CCDC33: variants seen among roughly 807,000 people sequenced by gnomAD.
CCDC33 encodes the protein coiled-coil domain-containing protein 33.
A neutral mutation model predicts 91.9 loss-of-function variants in CCDC33; 94 were observed. The ratio of observed to expected loss-of-function variants is 1.02; its 90% CI spans 0.87 to 1.21. The LOEUF is 1.21. CCDC33 is among the 50% of genes most tolerant of loss of function. The probability of loss-of-function intolerance (pLI) is 0.00; values close to 1 mark genes in which losing one functional copy is unlikely to be tolerated. For synonymous variants in CCDC33, 396 were observed against 374.5 expected (o/e 1.06, Z -0.66); for missense variants, 940 against 935.5 (o/e 1.00, Z -0.06).
intron 2 of CCDC33, among the ~76,000 whole-genome samples, chr15:74,246,038 A>G (rs1157266529): frequency 1.3e-5 from 2 of 152,232 alleles, no homozygotes; most frequent in Non-Finnish European, 2.9e-5. Context: ...CTCAGAGGCC[A>G]TAGAACCTGG....
intron 11 of CCDC33, among the ~76,000 whole-genome samples, chr15:74,315,852 G>A (rs1163881402): frequency 6.6e-6 from 1 of 152,172 alleles, no homozygotes; most frequent in East Asian, 1.9e-4. Flanking sequence ...GTGTGGAGGG[G>A]GAGGGGGACA....
intron 1 of CCDC33, chr15:74,209,342 AG>A (rs1454511642): frequency 2.0e-6 from 3 of 1,528,662 alleles, no homozygotes; most frequent in Non-Finnish European, 2.6e-6. Flanking sequence ...AGAGAAGCTG[AG>A]GAACCCCCTA....
chr15:74,313,996 G>A (rs1567025121), intron 11 of CCDC33, among the ~76,000 whole-genome samples: 1 of 152,174 alleles, frequency 6.6e-6, no homozygotes, highest in Non-Finnish European at 1.5e-5. Context: ...CTCCCACGGT[G>A]TTCCAGGCTG....
Position 74,330,885 on chromosome 15 carries a change from T to TTC in CCDC33, c.1546-96_1546-95insTC. 8.6e-6 allele frequency: 13 copies of TTC among 1,518,970 alleles called. No homozygotes were observed. The South Asian group carries it at 1.6e-4, about 19-fold the overall frequency. 94.1% of individuals were successfully genotyped at this position (1,518,970 alleles called of 1,614,324 possible). On this transcript the variant is annotated intron_variant, in intron 13 of 18. Transcript: ENST00000398814. ...ACGGAAGAAAGGGGGACCAGCCTGG[T>TTC]GGAGGATTCAGCAGAGGGGCCGAGG... is the stretch of plus-strand genomic sequence containing the variant.
intron 2 of CCDC33, among the ~76,000 whole-genome samples, chr15:74,256,858 C>T (rs900395042): frequency 3.3e-5 from 5 of 152,238 alleles, no homozygotes; most frequent in South Asian, 2.1e-4. Flanking sequence ...TCTCCTTGTC[C>T]GCCATGGGTG....
In CCDC33 at chr15:74,280,772, G is replaced by A. The variant is rs765457371; in HGVS notation, c.994G>A (p.Gly332Arg). 9.0e-6 allele frequency: 14 copies of A among 1,560,892 alleles called. No individual in the cohort carries two copies. The highest frequency in any genetic ancestry group is 5.6e-5 in the African/African-American group (4 of 72,022). ...QKMLTGKGLD[G>R]LHVERLPIMD... ...GATGCTGACAGGGAAAGGCTTGGAC[G>A]GGCTTCACGTGGAGCGGCTCCCCAT... The change falls in exon 9 of 19, where the codon GGG becomes AGG. Residue 332 changes from glycine to arginine, a missense_variant. Physicochemically the swap from Gly to Arg is moderately radical, Grantham distance 125 (BLOSUM62 -2). Transcript: ENST00000398814.
At chr15:74,259,524 C>A (rs1006624854) in intron 2 of CCDC33, among the ~76,000 whole-genome samples, 10 of 152,148 alleles carry the variant, frequency 6.6e-5, no homozygotes, top group Non-Finnish European at 1.3e-4. Flanking sequence ...AAGCCTCCCC[C>A]TTCCCCTGGG....
At chr15:74,223,795 C>G (rs936354895) in intron 2 of CCDC33, among the ~76,000 whole-genome samples, 1 of 144,956 alleles carries the variant, frequency 6.9e-6, no homozygotes, top group East Asian at 2.1e-4. Flanking sequence ...CACACACACA[C>G]AGCAGACAGC....
chr15:74,219,498 T>C lies in CCDC33; in HGVS notation c.675+637T>C, dbSNP rs75027490. ...TCCTGGAAACCTTAGTGTATAATAG[T>C]GCACAGAATCCAAAAGTGACAGCAC... On this transcript the variant is annotated intron_variant, in intron 2 of 2. Transcript: ENST00000635913. Among the ~76,000 whole-genome samples the C allele has an allele frequency of 6.5e-3, 983 of 152,236 alleles. 9 individuals are homozygous for C. Among genetic ancestry groups the C allele is most frequent in the African/African-American group, 0.022 (930 of 41,550 alleles).
chr15:74,293,609 C>G (rs1567007673), intron 10 of CCDC33, among the ~76,000 whole-genome samples: 1 of 152,082 alleles, frequency 6.6e-6, no homozygotes, highest in African/African-American at 2.4e-5. Context: ...GGGGAGCCTC[C>G]AAGTGAAGCC....
intron 2 of CCDC33, among the ~76,000 whole-genome samples, chr15:74,219,358 T>A (rs974197009): frequency 6.6e-6 from 1 of 152,160 alleles, no homozygotes; most frequent in Non-Finnish European, 1.5e-5. Context: ...AGACAGCATG[T>A]CTAGTAGGCC....
chr15:74,220,606 G>T (rs891428293), intron 2 of CCDC33, among the ~76,000 whole-genome samples: 6 of 152,224 alleles, frequency 3.9e-5, no homozygotes, highest in Non-Finnish European at 7.3e-5. Flanking sequence ...CGAGGGAGGG[G>T]AAAGGGGACT....
intron 2 of CCDC33, chr15:74,221,344 C>G: frequency 1.0e-6 from 1 of 972,598 alleles, no homozygotes; most frequent in Non-Finnish European, 1.2e-6. Flanking sequence ...GAGAAGGAAG[C>G]GGAAGACAAG....
In CCDC33 at chr15:74,218,646, G is replaced by T; in HGVS notation, c.460G>T (p.Ala154Ser). The T allele has an allele frequency of 1.6e-6, 2 of 1,289,834 alleles. No individual in the cohort carries two copies. The highest frequency in any genetic ancestry group is 2.0e-6 in the Non-Finnish European group (2 of 988,870). 79.9% of individuals were successfully genotyped at this position (1,289,834 alleles called of 1,614,324 possible). A position where few individuals can be genotyped will look rare whatever the true frequency, so the allele number is the denominator to read the frequency against. Residue 154 changes from alanine (A) to serine (S), a missense_variant, in exon 2 of 3, where the codon GCT becomes TCT. Transcript: ENST00000635913. The surrounding 1 kb of genome is among the most constrained non-coding windows in gnomAD (Gnocchi z 4.8). ...AGACCAACCCCGCATGAACCCAAAG[G>T]CTCAGGATCACGAGGACCTGTACCG...
At chr15:74,277,494 A>G (rs948724618) in intron 7 of CCDC33, among the ~76,000 whole-genome samples, 1 of 152,200 alleles carries the variant, frequency 6.6e-6, no homozygotes, top group East Asian at 1.9e-4. Context: ...TTTTCTGAAG[A>G]TCACAGCTGA....
intron 16 of CCDC33, 131 bp downstream of exon 16, chr15:74,332,976 C>T: frequency 2.7e-6 from 3 of 1,098,922 alleles, no homozygotes; most frequent in Non-Finnish European, 3.8e-6. Flanking sequence ...CCTGGGGGCT[C>T]CTGGAATCAG....
At chr15:74,318,000 C>A (rs2060126868) in intron 11 of CCDC33, among the ~76,000 whole-genome samples, 1 of 150,882 alleles carries the variant, frequency 6.6e-6, no homozygotes, top group Admixed American at 6.6e-5. Context: ...AGGAAAGCAG[C>A]CAGAGGAAGT....
At chr15:74,217,362 G>A (rs1033581649) in exon 1 of CCDC33, 25 of 1,290,006 alleles carry the variant, frequency 1.9e-5, no homozygotes, top group African/African-American at 1.4e-4. Context: ...TCTGGAGTTC[G>A]AAGTTTTGAG....
chr15:74,240,603 C>A (rs957020313), intron 1 of CCDC33, among the ~76,000 whole-genome samples: 2 of 151,822 alleles, frequency 1.3e-5, no homozygotes, highest in Non-Finnish European at 2.9e-5. Context: ...AAACCTAGGT[C>A]TTTTTTTTGT....
Sources: allele counts gnomAD v4.1 joint callset (sites outside exome capture counted in the v4.1 genomes callset), GRCh38; gene constraint gnomAD v4.1.1; non-coding constraint Gnocchi (gnomAD v3.1); transcripts MANE v1.5; gene names NCBI Gene and HGNC (gene_info 2026-07-23, HGNC 2026-07-21).